The following LRCH3 variants were observed in gnomAD, a reference collection of about 807,000 sequenced individuals.
LRCH3 encodes leucine rich repeats and calponin homology domain containing 3, also known as DISP complex protein LRCH3.
Under a neutral mutation model 104.5 loss-of-function variants are expected in LRCH3, and 68 were observed. The observed-to-expected ratio is 0.65, with a 90% CI of 0.54 to 0.80. LRCH3 has a LOEUF of 0.80. LRCH3 is among the 30% of genes least tolerant of loss of function. LRCH3 has a pLI of 0.00. For synonymous variants in LRCH3, 344 were observed against 361.3 expected (o/e 0.95, Z 0.54); for missense variants, 951 against 953.9 (o/e 1.00, Z 0.04).
chr3:197,846,482 A>C (rs1439673741), intron 10 of LRCH3, among the ~76,000 whole-genome samples: 1 of 149,596 alleles, frequency 6.7e-6, no homozygotes, highest in Non-Finnish European at 1.5e-5. Flanking sequence ...GGATGGCTTG[A>C]GGGGCAGGAG....
intron 11 of LRCH3, 124 bp from the exon 12 acceptor site, chr3:197,847,748 C>A: frequency 5.4e-6 from 2 of 371,770 alleles, no homozygotes; most frequent in Non-Finnish European, 7.0e-6. Context: ...ACATTTCAAG[C>A]AATGCTAGGT....
chr3:197,846,420 C>T (rs996681980), intron 10 of LRCH3, among the ~76,000 whole-genome samples: 3 of 143,132 alleles, frequency 2.1e-5, no homozygotes, highest in East Asian at 2.0e-4. Flanking sequence ...AACGGCTGGG[C>T]GCAGTGGCTC....
At position 197,797,936 on chromosome 3, in the gene LRCH3, CCTT is replaced by C. The variant is rs10599831; in HGVS notation, c.262+6399_262+6401del. On this transcript the variant is annotated intron_variant, in intron 1 of 20. Coordinates refer to ENST00000425562, the MANE Select transcript of LRCH3 (RefSeq NM_001365715.1). ...CTAAAACCAGAAGGAACCATAGTGA[CCTT>C]CTAAGTTATTTCACAAATGAGAAGC... 7.8e-3 allele frequency among the ~76,000 whole-genome samples: 1,161 copies of C among 149,796 alleles called. 13 individuals are homozygous for C. Among genetic ancestry groups the C allele is most frequent in the African/African-American group, 0.027 (1,092 of 40,686 alleles).
intron 20 of LRCH3, chr3:197,880,715 A>T: frequency 6.5e-7 from 1 of 1,536,724 alleles, no homozygotes; most frequent in Non-Finnish European, 8.7e-7. Context: ...CCGCTCGCTG[A>T]AAGATTGCAC....
chr3:197,862,275 C>T (rs1373967797), intron 15 of LRCH3, among the ~76,000 whole-genome samples: 8 of 144,044 alleles, frequency 5.6e-5, no homozygotes, highest in Non-Finnish European at 1.0e-4. Flanking sequence ...GGATTACAGG[C>T]GTGAGCCTAC....
In LRCH3 at chr3:197,791,536, G is replaced by A; in HGVS notation, c.258G>A (p.Arg86=). 6.3e-7 allele frequency: 1 copy of A among 1,581,468 alleles called. No homozygotes were observed. The highest frequency in any genetic ancestry group is 2.4e-5 in the East Asian group (1 of 42,014). Reference sequence around the variant, plus strand: ...ACCACGACCTGACGGACACCACCCGGGCGGGTGAGCGGGGCGGGGGGCGTC... The same window carrying A: ...ACCACGACCTGACGGACACCACCCGAGCGGGTGAGCGGGGCGGGGGGCGTC... ...AANHDLTDTT[R]ADLSRNRLSE... Residue 86 remains arginine (R), a synonymous_variant, in exon 1 of 21, where the codon CGG becomes CGA. Coordinates refer to ENST00000425562, the MANE Select transcript of LRCH3 (RefSeq NM_001365715.1).
At position 197,829,572 on chromosome 3, in the gene LRCH3, A is replaced by G; in HGVS notation, c.786A>G (p.Ile262Met). ...TGTGTGACTTTATTTAGATATGTAT[A>G]AAAGGCAAAGTCCACATATTTAAAT... ...PLQSPPAQIC[I>M]KGKVHIFKYL... The change falls in exon 6 of 21, where the codon ATA (isoleucine) becomes ATG (methionine). Residue 262 changes from isoleucine (I) to methionine (M), a missense_variant. By Grantham distance (10) the Ile-to-Met change is conservative. Transcript: ENST00000425562. The G allele has an allele frequency of 1.2e-6, 2 of 1,607,478 alleles. No individual in the cohort carries two copies. The highest frequency in any genetic ancestry group is 3.3e-4 in the Middle Eastern group (2 of 6,032).
At chr3:197,841,345 T>G (rs1157935589) in intron 10 of LRCH3, among the ~76,000 whole-genome samples, 1 of 152,220 alleles carries the variant, frequency 6.6e-6, no homozygotes, top group Non-Finnish European at 1.5e-5. Context: ...TCACATTCCT[T>G]CTTCATGGCT....
chr3:197,850,512 A>G, intron 12 of LRCH3: 1 of 1,592,014 alleles, frequency 6.3e-7, no homozygotes, highest in Non-Finnish European at 8.5e-7. Flanking sequence ...CATAAGGATC[A>G]TCTCAATGTG....
In LRCH3 at chr3:197,806,418, G is replaced by A. The variant is rs563842310; in HGVS notation, c.263-8490G>A. 9.6e-4 allele frequency among the ~76,000 whole-genome samples: 146 copies of A among 152,026 alleles called. 1 individual carries two copies. The highest frequency in any genetic ancestry group is 1.8e-3 in the Admixed American group (28 of 15,248). ...CTAGGATTACAGGCATGAGTGCCTG[G>A]CCTTGAAGAACATTTCTGACATCAA... On this transcript the variant is annotated intron_variant, in intron 1 of 20. Transcript: ENST00000425562.
At chr3:197,859,270 C>T (rs1360482317) in intron 15 of LRCH3, 6 of 225,132 alleles carry the variant, frequency 2.7e-5, no homozygotes, top group African/African-American at 1.2e-4. Context: ...ACTATCACTA[C>T]CAAAACCTTC....
chr3:197,813,530 T>C lies in LRCH3; in HGVS notation c.263-1378T>C, dbSNP rs1319888856. ...ATATAATTTTTTTTTTTTTTTTTTTTTTTTTTTTTTTTTTTTTTGAGATGG... is the reference window on the plus strand; with the variant it reads ...ATATAATTTTTTTTTTTTTTTTTTTCTTTTTTTTTTTTTTTTTTGAGATGG... On this transcript the variant is annotated intron_variant, in intron 1 of 20. Coordinates refer to ENST00000425562, the MANE Select transcript of LRCH3 (RefSeq NM_001365715.1). Among the ~76,000 whole-genome samples, 31 of 117,834 alleles carry C rather than the reference T, an allele frequency of 2.6e-4. 2 individuals are homozygous for C. Among genetic ancestry groups the C allele is most frequent in the East Asian group, 1.4e-3 (6 of 4,302 alleles). 77.3% of individuals were successfully genotyped at this position (117,834 alleles called of 152,430 possible).
intron 20 of LRCH3, among the ~76,000 whole-genome samples, chr3:197,879,778 A>G (rs1295586847): frequency 6.6e-6 from 1 of 151,592 alleles, no homozygotes; most frequent in African/African-American, 2.4e-5. Context: ...GGCTTTCTCC[A>G]AAAACGTCCG....
At position 197,886,402 on chromosome 3, in the gene LRCH3, A is replaced by T. The variant is rs988666240; in HGVS notation, c.*2736A>T. The T allele has an allele frequency of 6.6e-6, 1 of 152,046 alleles. No individual in the cohort carries two copies. Among genetic ancestry groups the T allele is most frequent in the Non-Finnish European group, 1.5e-5 (1 of 68,016 alleles). The allele number at this position is 152,046 out of a possible 1,614,324, so 9.4% of individuals were successfully genotyped here. Reference sequence around the variant, plus strand: ...GCCCAATCTTATAGAACAAAAGTAAAATGTCTTTATGTAAGACCCCATTAT... The same window carrying T: ...GCCCAATCTTATAGAACAAAAGTAATATGTCTTTATGTAAGACCCCATTAT... On this transcript the variant is annotated 3_prime_UTR_variant, in exon 21 of 21. Coordinates refer to ENST00000425562, the MANE Select transcript of LRCH3 (RefSeq NM_001365715.1).
chr3:197,845,890 C>G (rs1396152456), intron 10 of LRCH3, among the ~76,000 whole-genome samples: 1 of 152,084 alleles, frequency 6.6e-6, no homozygotes, highest in African/African-American at 2.4e-5. Context: ...GGTGACAGGG[C>G]AAGACTCTGT....
At chr3:197,826,396 ACTC>A (rs1735209902) in intron 4 of LRCH3, among the ~76,000 whole-genome samples, 1 of 151,866 alleles carries the variant, frequency 6.6e-6, no homozygotes, top group Admixed American at 6.6e-5. Context: ...TTAGCTGGCA[ACTC>A]CTCCTGACTT....
At chr3:197,858,371 G>T (rs527771745) in intron 14 of LRCH3, among the ~76,000 whole-genome samples, 7 of 152,066 alleles carry the variant, frequency 4.6e-5, no homozygotes, top group Middle Eastern at 6.8e-3. Flanking sequence ...ATGAAATGCC[G>T]GTTCCTCCTT....
intron 8 of LRCH3, among the ~76,000 whole-genome samples, chr3:197,834,299 A>G (rs796308832): frequency 5.9e-5 from 9 of 152,336 alleles, no homozygotes; most frequent in African/African-American, 1.9e-4. Context: ...AATAATTTAT[A>G]TACGTCTCCT....
intron 4 of LRCH3, among the ~76,000 whole-genome samples, chr3:197,821,528 T>G (rs1210216310): frequency 6.6e-6 from 1 of 152,198 alleles, no homozygotes; most frequent in Non-Finnish European, 1.5e-5. Context: ...TCATTTACTT[T>G]CCCCTGCACT....
Sources: gnomAD v4.1 joint callset for allele counts (sites outside exome capture counted in the v4.1 genomes callset) on GRCh38, gnomAD v4.1.1 for gene constraint, MANE v1.5 for transcripts, NCBI Gene and HGNC (gene_info 2026-07-23, HGNC 2026-07-21) for gene names.